Variants in RAP1A observed in about 807,000 individuals in gnomAD.
The protein encoded by RAP1A is ras-related protein Rap-1A.
RAP1A carries 6 observed loss-of-function variants against 26.4 expected under a neutral mutation model. The observed-to-expected ratio is 0.23, with a 90% CI of 0.12 to 0.45. The LOEUF is 0.45. Among genes scored for constraint, RAP1A ranks in the 20% least tolerant of loss-of-function variants. The pLI is 0.99. For missense variants in RAP1A, 121 were observed against 217.2 expected, an observed-to-expected ratio of 0.56 and a Z score of 2.78; for synonymous variants, 73 against 79.4, an observed-to-expected ratio of 0.92 and a Z score of 0.43.
chr1:111,560,273 G>A (rs903438768), intron 1 of RAP1A, among the ~76,000 whole-genome samples: 4 of 152,008 alleles, frequency 2.6e-5, no homozygotes, highest in South Asian at 2.1e-4. Flanking sequence ...GAGGTCAATC[G>A]TTCTCAGCCT....
At position 111,688,020 on chromosome 1, in the gene RAP1A, C is replaced by G. The variant is rs1341993745; in HGVS notation, c.-27-3314C>G. 4.2e-5 allele frequency among the ~76,000 whole-genome samples: 3 copies of G among 71,854 alleles called. No individual in the cohort carries two copies. In the Admixed American group the frequency reaches 7.2e-4, roughly 17 times the overall value. 47.1% of individuals were successfully genotyped at this position (71,854 alleles called of 152,430 possible). ...CCAGCCTGGGCAACAGAGTGAGACC[C>G]TGTCTCAAAAAAAAAAAAAAAAAAA... On this transcript the variant is annotated intron_variant, in intron 1 of 7. Transcript: ENST00000369709.
intron 2 of RAP1A, among the ~76,000 whole-genome samples, chr1:111,694,588 G>A (rs1030771737): frequency 2.6e-5 from 4 of 152,124 alleles, no homozygotes; most frequent in African/African-American, 9.7e-5. Context: ...GATAATATCT[G>A]AAAAAGATGA....
intron 1 of RAP1A, among the ~76,000 whole-genome samples, chr1:111,633,308 C>T (rs1422021939): frequency 6.6e-6 from 1 of 152,160 alleles, no homozygotes; most frequent in Non-Finnish European, 1.5e-5. Context: ...TTGGTAATGA[C>T]ATACATAACC....
At chr1:111,657,627 T>C (rs1025968452) in intron 1 of RAP1A, among the ~76,000 whole-genome samples, 2 of 152,186 alleles carry the variant, frequency 1.3e-5, no homozygotes, top group Non-Finnish European at 2.9e-5. Context: ...TTTGAGTTAA[T>C]TTTTGTATAT....
At chr1:111,675,070 C>A (rs1468993091) in intron 1 of RAP1A, among the ~76,000 whole-genome samples, 1 of 151,862 alleles carries the variant, frequency 6.6e-6, no homozygotes, top group Non-Finnish European at 1.5e-5. Context: ...GTATTTAATT[C>A]TTTAGTGTGT....
chr1:111,698,316 C>T (rs1661904003), intron 4 of RAP1A, among the ~76,000 whole-genome samples: 1 of 152,138 alleles, frequency 6.6e-6, no homozygotes, highest in Non-Finnish European at 1.5e-5. Flanking sequence ...GCTCTGTCAC[C>T]TAGGCTAGGG....
At chr1:111,567,523 C>T (rs546390076) in intron 1 of RAP1A, among the ~76,000 whole-genome samples, 2 of 152,226 alleles carry the variant, frequency 1.3e-5, no homozygotes, top group African/African-American at 4.8e-5. Flanking sequence ...CTGTGTCCCC[C>T]CAAAATTCAT....
chr1:111,580,940 C>T (rs1185762765), intron 1 of RAP1A, among the ~76,000 whole-genome samples: 1 of 151,126 alleles, frequency 6.6e-6, no homozygotes, highest in Non-Finnish European at 1.5e-5. Flanking sequence ...AAGGAGATAC[C>T]ACTAGGGCCT....
intron 1 of RAP1A, among the ~76,000 whole-genome samples, chr1:111,653,491 G>C (rs964930585): frequency 1.6e-4 from 24 of 151,842 alleles, no homozygotes; most frequent in African/African-American, 5.1e-4. Context: ...AGACCAGCCT[G>C]ATCAACATGG....
intron 1 of RAP1A, among the ~76,000 whole-genome samples, chr1:111,643,174 A>G (rs971966521): frequency 6.6e-6 from 1 of 152,190 alleles, no homozygotes; most frequent in African/African-American, 2.4e-5. Flanking sequence ...GGTGAAAGCC[A>G]TTTACATAAG....
intron 1 of RAP1A, among the ~76,000 whole-genome samples, chr1:111,583,374 G>A (rs969210212): frequency 1.3e-5 from 2 of 151,502 alleles, no homozygotes; most frequent in African/African-American, 4.9e-5. Context: ...GAAAGCTGAG[G>A]TAGGAGGATC....
intron 1 of RAP1A, among the ~76,000 whole-genome samples, chr1:111,634,071 TC>T (rs1274665609): frequency 6.6e-6 from 1 of 152,178 alleles, no homozygotes; most frequent in Non-Finnish European, 1.5e-5. Flanking sequence ...ATAACAACAC[TC>T]CCATAACCAC....
chr1:111,549,116 A>AATGGAT (rs1380342553), intron 1 of RAP1A, among the ~76,000 whole-genome samples: 1 of 152,146 alleles, frequency 6.6e-6, no homozygotes, highest in East Asian at 1.9e-4. Context: ...CCATATTCAC[A>AATGGAT]ATGGATATTG....
At chr1:111,689,062 C>A (rs2101238017) in intron 1 of RAP1A, among the ~76,000 whole-genome samples, 1 of 152,150 alleles carries the variant, frequency 6.6e-6, no homozygotes, top group South Asian at 2.1e-4. Flanking sequence ...TCTCTAATTC[C>A]TGGCCTCAAG....
chr1:111,663,585 A>G (rs1431047543), intron 1 of RAP1A, among the ~76,000 whole-genome samples: 4 of 152,194 alleles, frequency 2.6e-5, no homozygotes, highest in Non-Finnish European at 5.9e-5. Flanking sequence ...TATGTCCCTT[A>G]CTTTAAGATT....
chr1:111,691,452 A>T, intron 2 of RAP1A, 35 bp downstream of exon 2: 1 of 1,558,338 alleles, frequency 6.4e-7, no homozygotes, highest in Non-Finnish European at 8.8e-7. Context: ...TGATTAATAT[A>T]ATACAAGAAG....
chr1:111,699,265 A>G (rs1398049348), intron 4 of RAP1A, among the ~76,000 whole-genome samples: 1 of 152,146 alleles, frequency 6.6e-6, no homozygotes, highest in African/African-American at 2.4e-5. Flanking sequence ...TATAGAATCT[A>G]TATGGATATT....
intron 1 of RAP1A, chr1:111,648,959 G>A (rs566603059): frequency 1.0e-5 from 7 of 666,822 alleles, no homozygotes; most frequent in South Asian, 6.8e-5. Context: ...ACAGCTCTTC[G>A]TTGAGAGCCT....
intron 1 of RAP1A, among the ~76,000 whole-genome samples, chr1:111,663,457 C>T (rs1308281285): frequency 1.3e-5 from 2 of 152,202 alleles, no homozygotes; most frequent in African/African-American, 4.8e-5. Context: ...ATCAATAACA[C>T]TCTAGTTACA....
Sources: gnomAD v4.1 joint callset for allele counts (sites outside exome capture counted in the v4.1 genomes callset) on GRCh38, gnomAD v4.1.1 for gene constraint, MANE v1.5 for transcripts, NCBI Gene and HGNC (gene_info 2026-07-23, HGNC 2026-07-21) for gene names.